The following MANSC4 variants were observed in gnomAD, a reference collection of about 807,000 sequenced individuals.
The protein encoded by MANSC4 is MANSC domain-containing protein 4.
In MANSC4, 11 loss-of-function variants were observed where a neutral mutation model predicts 11.4. That is an observed-to-expected ratio of 0.97 (90% CI 0.61 to 1.60). The LOEUF is 1.60. Ranked by LOEUF, MANSC4 falls within the 40% of genes most tolerant of loss-of-function variation. The pLI is 0.00. For synonymous variants in MANSC4, 123 were observed against 147.1 expected (o/e 0.84, Z 1.19); for missense variants, 354 against 404.6 (o/e 0.88, Z 1.07).
chr12:27,763,271 T>C lies in MANSC4; in HGVS notation c.490A>G (p.Ile164Val), dbSNP rs753778291. The change falls in exon 4 of 4, where the codon ATA becomes GTA. Residue 164 changes from isoleucine to valine, a missense_variant. Physicochemically the swap from Ile to Val is conservative, Grantham distance 29. Transcript: ENST00000381273. ...AMNLDKQTTTINGMLPSTEAP... is the reference protein window; with the variant it reads ...AMNLDKQTTTVNGMLPSTEAP... ...TCTGTGGATGGCAGCATACCATTTA[T>C]CGTGGTGGTTTGTTTATCTAAATTC... 3.2e-6 allele frequency: 5 copies of C among 1,551,614 alleles called. No individual in the cohort carries two copies. The South Asian group carries it at 4.8e-5, about 15-fold the overall frequency.
At position 27,763,414 on chromosome 12, in the gene MANSC4, C is replaced by T; in HGVS notation, c.365-18G>A. 1 of 1,514,792 alleles carries T rather than the reference C, an allele frequency of 6.6e-7. No individual in the cohort carries two copies. Among genetic ancestry groups the T allele is most frequent in the Non-Finnish European group, 8.8e-7 (1 of 1,131,090 alleles). The allele number at this position is 1,514,792 out of a possible 1,614,324, so 93.8% of individuals were successfully genotyped here. On this transcript the variant is annotated intron_variant, in intron 3 of 3. Coordinates refer to ENST00000381273, the MANE Select transcript of MANSC4 (RefSeq NM_001146221.5). ...ATCTATACCTGAAAAATAAATAAGG[C>T]ATCATTCATTTTATTTTTACTTTCA...
chr12:27,774,965 A>C (rs528947268), intron 1 of MANSC4, among the ~76,000 whole-genome samples: 1 of 152,148 alleles, frequency 6.6e-6, no homozygotes, highest in African/African-American at 2.4e-5. Context: ...CGGAGCTTGC[A>C]GTGAGCTGAG....
At chr12:27,777,260 G>A (rs2062122493) in intron 1 of MANSC4, among the ~76,000 whole-genome samples, 1 of 152,168 alleles carries the variant, frequency 6.6e-6, no homozygotes, top group Non-Finnish European at 1.5e-5. Flanking sequence ...CCAGTCTGAG[G>A]CATATCTATG....
chr12:27,767,951 C>T (rs906157140), intron 2 of MANSC4, among the ~76,000 whole-genome samples: 5 of 152,204 alleles, frequency 3.3e-5, no homozygotes, highest in African/African-American at 1.2e-4. Flanking sequence ...ACTCTCCCCA[C>T]ATGCAAAATC....
At chr12:27,772,129 A>G (rs1165690839) in intron 1 of MANSC4, among the ~76,000 whole-genome samples, 1 of 152,224 alleles carries the variant, frequency 6.6e-6, no homozygotes, top group East Asian at 1.9e-4. Flanking sequence ...TAATAAAATC[A>G]TTTCAATTGC....
In MANSC4 at chr12:27,771,093, T is replaced by C. The variant is rs2140802272; in HGVS notation, c.184A>G (p.Ser62Gly). ...GAQFLKYYSE[S>G]TGQKCSRSCC... The stretch of plus-strand genomic sequence containing the variant: ...CTCCTACTGCACTTCTGGCCAGTGC[T>C]TTCAGAATAATACTTCAAGAACTGG... The change falls in exon 2 of 4, where the codon AGC becomes GGC. Residue 62 changes from serine (S) to glycine (G), a missense_variant. Ser to Gly is a moderately conservative substitution (Grantham distance 56, BLOSUM62 0). Coordinates refer to ENST00000381273, the MANE Select transcript of MANSC4 (RefSeq NM_001146221.5). 6.4e-7 allele frequency: 1 copy of C among 1,551,780 alleles called. No individual in the cohort carries two copies. The highest frequency in any genetic ancestry group is 1.2e-5 in the South Asian group (1 of 84,062).
intron 3 of MANSC4, among the ~76,000 whole-genome samples, chr12:27,764,363 C>T (rs1272566540): frequency 1.3e-5 from 2 of 152,168 alleles, no homozygotes; most frequent in Admixed American, 1.3e-4. Context: ...TTCCTGATCA[C>T]TCACGTCACC....
At chr12:27,773,700 T>C (rs1371254953) in intron 1 of MANSC4, among the ~76,000 whole-genome samples, 5 of 152,180 alleles carry the variant, frequency 3.3e-5, no homozygotes, top group African/African-American at 4.8e-5. Flanking sequence ...AACACTGATA[T>C]AGATAGATGA....
chr12:27,773,335 T>A (rs1481717159), intron 1 of MANSC4, among the ~76,000 whole-genome samples: 2 of 152,238 alleles, frequency 1.3e-5, no homozygotes, highest in African/African-American at 4.8e-5. Context: ...GATAACTTCT[T>A]GGGGCCAAGT....
At chr12:27,778,577 C>A (rs11049143) in intron 1 of MANSC4, among the ~76,000 whole-genome samples, 22,922 of 149,118 alleles carry the variant, frequency 0.15, 2,197 homozygotes, top group Non-Finnish European at 0.23. Context: ...AAAAAAAAAA[C>A]CAAACACATA....
chr12:27,763,009 C>A lies in MANSC4; in HGVS notation c.752G>T (p.Gly251Val). 6.4e-7 allele frequency: 1 copy of A among 1,551,620 alleles called. No homozygotes were observed. Among genetic ancestry groups the A allele is most frequent in the Non-Finnish European group, 8.7e-7 (1 of 1,147,016 alleles). ...TKLSHMPVPP[G>V]LNSSKQLLNK... is the part of the protein sequence containing the mutation. The stretch of plus-strand genomic sequence containing the variant: ...TAGTAATTGTTTGCTACTGTTGAGT[C>A]CAGGTGGAACAGGCATATGAGAAAG... The change falls in exon 4 of 4, where the codon GGA becomes GTA. Residue 251 changes from glycine (G) to valine (V), a missense_variant. By Grantham distance (109) the Gly-to-Val change is moderately radical. Transcript: ENST00000381273.
intron 1 of MANSC4, among the ~76,000 whole-genome samples, chr12:27,775,722 G>A (rs1333055959): frequency 4.0e-5 from 6 of 151,624 alleles, no homozygotes; most frequent in African/African-American, 7.3e-5. Context: ...TTATTTTACA[G>A]TATATAGGTT....
rs369103921 is a variant in MANSC4, at chr12:27,762,817, C to G, written c.944G>C (p.Gly315Ala). The change falls in exon 4 of 4, where the codon GGC (glycine) becomes GCC (alanine). Residue 315 changes from glycine to alanine, a missense_variant. Transcript: ENST00000381273. Reference sequence around the variant, plus strand: ...TTTTCTCTGTCCTGGTTTATACTGGCCCTGCTGCTTTCCACAGCATCCAGA... The same window carrying G: ...TTTTCTCTGTCCTGGTTTATACTGGGCCTGCTGCTTTCCACAGCATCCAGA... ...LASGCCGKQQ[G>A]QYKPGQRKSG... 1.1e-5 allele frequency: 17 copies of G among 1,551,640 alleles called. No homozygotes were observed. The African/African-American group carries it at 1.6e-4, about 15-fold the overall frequency.
chr12:27,780,212 C>G lies in MANSC4; in HGVS notation c.-309G>C, dbSNP rs2062138789. 1 of 963,960 alleles carries G rather than the reference C, an allele frequency of 1.0e-6. No homozygotes were observed. Among genetic ancestry groups the G allele is most frequent in the Non-Finnish European group, 1.4e-6 (1 of 733,258 alleles). The allele number at this position is 963,960 out of a possible 1,614,324, so 59.7% of individuals were successfully genotyped here. ...GGGCGAGCGCGGGCGGCCCTCACCT[C>G]GCCGCTCCTCCCGGGCCGCCATCCC... On this transcript the variant is annotated splice_region_variant and 5_prime_UTR_variant, in exon 1 of 4. Transcript: ENST00000381273. This position sits in a 1 kb window ranked among gnomAD's most constrained non-coding sequence, Gnocchi z 8.8.
intron 1 of MANSC4, among the ~76,000 whole-genome samples, chr12:27,772,075 A>G (rs1050494228): frequency 2.7e-5 from 4 of 150,782 alleles, no homozygotes; most frequent in African/African-American, 7.3e-5. Flanking sequence ...AAACAAACAA[A>G]AAACACTAGG....
At chr12:27,767,122 G>A (rs1399095264) in intron 2 of MANSC4, among the ~76,000 whole-genome samples, 1 of 152,014 alleles carries the variant, frequency 6.6e-6, no homozygotes, top group African/African-American at 2.4e-5. Flanking sequence ...TGGGACTAGA[G>A]GCACGCATCA....
At chr12:27,778,337 C>G (rs759411237) in intron 1 of MANSC4, among the ~76,000 whole-genome samples, 7 of 151,530 alleles carry the variant, frequency 4.6e-5, no homozygotes, top group Non-Finnish European at 1.0e-4. Context: ...CTCTGTGAAG[C>G]AGATAAATTT....
chr12:27,765,949 G>T (rs2062070502), intron 3 of MANSC4, among the ~76,000 whole-genome samples: 1 of 152,110 alleles, frequency 6.6e-6, no homozygotes, highest in South Asian at 2.1e-4. Context: ...GTCAGCACAT[G>T]GTGGTAAGTT....
chr12:27,775,855 T>C (rs550064701), intron 1 of MANSC4, among the ~76,000 whole-genome samples: 4 of 151,728 alleles, frequency 2.6e-5, no homozygotes, highest in Non-Finnish European at 5.9e-5. Context: ...TTTGGGAGGC[T>C]GAGGTGGGCG....
Sources: allele counts gnomAD v4.1 joint callset (sites outside exome capture counted in the v4.1 genomes callset), GRCh38; gene constraint gnomAD v4.1.1; non-coding constraint Gnocchi (gnomAD v3.1); transcripts MANE v1.5; gene names NCBI Gene and HGNC (gene_info 2026-07-23, HGNC 2026-07-21).